Variants in ERC2 observed in about 807,000 individuals in gnomAD.
ERC2 encodes ERC protein 2.
ERC2 carries 42 observed loss-of-function variants against 114.8 expected under a neutral mutation model. That is an observed-to-expected ratio of 0.37 (90% CI 0.29 to 0.47). The LOEUF is 0.47. Among genes scored for constraint, ERC2 ranks in the 20% least tolerant of loss-of-function variants. The probability of loss-of-function intolerance (pLI) is 0.99; values close to 1 mark genes in which losing one functional copy is unlikely to be tolerated. For missense variants in ERC2, 939 were observed against 1,150.7 expected, an observed-to-expected ratio of 0.82 and a Z score of 2.66; for synonymous variants, 454 against 425.5, an observed-to-expected ratio of 1.07 and a Z score of -0.82.
At chr3:55,880,190 A>T (rs530951330) in intron 14 of ERC2, among the ~76,000 whole-genome samples, 25 of 152,184 alleles carry the variant, frequency 1.6e-4, no homozygotes, top group Non-Finnish European at 3.7e-4. Flanking sequence ...GGTGCAAGCA[A>T]ATGCTAAAAA....
chr3:56,421,480 C>T (rs2061385693), intron 2 of ERC2, among the ~76,000 whole-genome samples: 1 of 152,212 alleles, frequency 6.6e-6, no homozygotes, highest in African/African-American at 2.4e-5. Context: ...AGAGACTAGA[C>T]CCAAGCTAGG....
chr3:56,010,746 C>T (rs1420235121), intron 8 of ERC2, among the ~76,000 whole-genome samples, 157 bp from the exon 9 acceptor site: 2 of 152,180 alleles, frequency 1.3e-5, no homozygotes, highest in Non-Finnish European at 2.9e-5. Flanking sequence ...GGAGGCTGTG[C>T]ATAACAGCAC....
chr3:56,001,064 G>A (rs2072015065), intron 10 of ERC2, among the ~76,000 whole-genome samples: 1 of 151,584 alleles, frequency 6.6e-6, no homozygotes, highest in Non-Finnish European at 1.5e-5. Context: ...TAAACACTTT[G>A]AAGTAGAGTG....
intron 4 of ERC2, among the ~76,000 whole-genome samples, chr3:56,168,021 A>T (rs907635061): frequency 6.6e-6 from 1 of 152,150 alleles, no homozygotes; most frequent in Non-Finnish European, 1.5e-5. Context: ...TCCAAAGTAA[A>T]TGTTGAAAGA....
intron 7 of ERC2, among the ~76,000 whole-genome samples, chr3:56,069,804 G>T (rs1040509856): frequency 6.6e-6 from 1 of 152,104 alleles, no homozygotes; most frequent in Non-Finnish European, 1.5e-5. Context: ...TATGACAAAG[G>T]CTCCAAATTG....
At chr3:55,542,515 C>G (rs996745493) in intron 17 of ERC2, among the ~76,000 whole-genome samples, 10 of 152,178 alleles carry the variant, frequency 6.6e-5, no homozygotes, top group African/African-American at 2.4e-4. Flanking sequence ...CTCTCTCTTT[C>G]TCATGCCTTG....
chr3:55,735,055 C>T (rs1429387329), intron 14 of ERC2, 137 bp from the exon 15 acceptor site: 1 of 958,336 alleles, frequency 1.0e-6, no homozygotes, highest in Non-Finnish European at 1.5e-6. Context: ...AACAAACTAG[C>T]TCTTTGGCTT....
At chr3:56,299,467 G>A (rs1373415548) in intron 2 of ERC2, among the ~76,000 whole-genome samples, 1 of 143,310 alleles carries the variant, frequency 7.0e-6, no homozygotes, top group African/African-American at 2.6e-5. Flanking sequence ...GTCTCACTCA[G>A]TCCCCAGGCT....
chr3:56,313,001 C>CATATATATATATATATATATATAT lies in ERC2; in HGVS notation c.658-16590_658-16567dup, dbSNP rs3055903. 1.8e-4 allele frequency among the ~76,000 whole-genome samples: 8 copies of CATATATATATATATATATATATAT among 43,884 alleles called. 2 individuals are homozygous for CATATATATATATATATATATATAT. The highest frequency in any genetic ancestry group is 1.0e-3 in the Admixed American group (3 of 2,888). The allele number at this position is 43,884 out of a possible 152,430, so 28.8% of individuals were successfully genotyped here. On this transcript the variant is annotated intron_variant, in intron 2 of 17. Transcript: ENST00000288221. Reference sequence around the variant, plus strand: ...TTAATATTTAGTGAATATGTATATTCATATATATATATATATATATATATA... The same window carrying CATATATATATATATATATATATAT: ...TTAATATTTAGTGAATATGTATATTCATATATATATATATATATATATATATATATATATATATATATATATATA...
rs374613329 is a variant in ERC2 at position 55,584,754 on chromosome 3, A to G, written c.*40-73478T>C. Among the ~76,000 whole-genome samples, 38 of 152,318 alleles carry G rather than the reference A, an allele frequency of 2.5e-4. 1 individual carries two copies. In the South Asian group the frequency reaches 7.9e-3, roughly 32 times the overall value. On this transcript the variant is annotated intron_variant, in intron 17 of 17. Coordinates refer to ENST00000288221, the MANE Select transcript of ERC2 (RefSeq NM_015576.3). ...AAAGATGTGTGTGGGCAAGGATAAC[A>G]TAAGACAGAGAGTGGCACCTCCCGA...
chr3:55,775,597 GAGAC>G (rs1559635668), intron 14 of ERC2, among the ~76,000 whole-genome samples: 6 of 149,642 alleles, frequency 4.0e-5, no homozygotes, highest in South Asian at 2.1e-4. Flanking sequence ...AGGAAAAAGT[GAGAC>G]AGACAGAGAG....
chr3:56,017,733 AAATCCTAGG>A (rs1451715421), intron 8 of ERC2, among the ~76,000 whole-genome samples: 16 of 152,102 alleles, frequency 1.1e-4, no homozygotes, highest in Admixed American at 9.8e-4. Flanking sequence ...TTACCCTCTG[AAATCCTAGG>A]AATGTCACGT....
intron 3 of ERC2, among the ~76,000 whole-genome samples, chr3:56,176,890 G>C (rs533993178): frequency 2.0e-5 from 3 of 152,266 alleles, no homozygotes; most frequent in South Asian, 2.1e-4. Flanking sequence ...CTGTCCAGTG[G>C]AATGTGGTTA....
intron 7 of ERC2, among the ~76,000 whole-genome samples, chr3:56,048,441 C>A (rs1342274644): frequency 6.6e-6 from 1 of 152,170 alleles, no homozygotes; most frequent in African/African-American, 2.4e-5. Flanking sequence ...CATCTGCCCA[C>A]TACTTTAATT....
At chr3:55,550,812 C>G (rs56170207) in intron 17 of ERC2, among the ~76,000 whole-genome samples, 26,377 of 151,906 alleles carry the variant, frequency 0.17, 2,883 homozygotes, top group Middle Eastern at 0.29. Context: ...GTCAGGAGAT[C>G]GAGACCATCC....
chr3:55,884,456 C>CT lies in ERC2; in HGVS notation c.2564+3932dup, dbSNP rs941612514. Reference sequence around the variant, plus strand: ...TTCATATTGTTTCTTTATACTGCCTCTTTTTTTTCCCTTAAAATGAACAAT... The same window carrying CT: ...TTCATATTGTTTCTTTATACTGCCTCTTTTTTTTTCCCTTAAAATGAACAAT... On this transcript the variant is annotated intron_variant, in intron 14 of 17. Transcript: ENST00000288221. Among the ~76,000 whole-genome samples, 210 of 152,076 alleles carry CT rather than the reference C, an allele frequency of 1.4e-3. 1 individual carries two copies. Among genetic ancestry groups the CT allele is most frequent in the African/African-American group, 4.7e-3 (195 of 41,496 alleles).
intron 1 of ERC2, among the ~76,000 whole-genome samples, chr3:56,443,584 G>A (rs763628540): frequency 2.0e-5 from 3 of 151,624 alleles, no homozygotes; most frequent in Non-Finnish European, 4.4e-5. Flanking sequence ...TGAGTCACTC[G>A]CACCCTCCCC....
At chr3:55,942,449 C>T (rs1401258786) in intron 13 of ERC2, among the ~76,000 whole-genome samples, 4 of 148,894 alleles carry the variant, frequency 2.7e-5, no homozygotes, top group African/African-American at 9.7e-5. Context: ...CCACTACGCC[C>T]GGCTAATTTT....
intron 14 of ERC2, among the ~76,000 whole-genome samples, chr3:55,792,698 T>C: frequency 6.6e-6 from 1 of 152,222 alleles, no homozygotes; most frequent in East Asian, 1.9e-4. Flanking sequence ...AACTTTTCCA[T>C]TTATTATTTC....
Sources: gnomAD v4.1 joint callset for allele counts (sites outside exome capture counted in the v4.1 genomes callset) on GRCh38, gnomAD v4.1.1 for gene constraint, MANE v1.5 for transcripts, NCBI Gene and HGNC (gene_info 2026-07-23, HGNC 2026-07-21) for gene names.